The following OPLAH variants were observed in gnomAD, a reference collection of about 807,000 sequenced individuals.
OPLAH encodes 5-oxoprolinase.
OPLAH carries 103 observed loss-of-function variants against 122.8 expected under a neutral mutation model. That is an observed-to-expected ratio of 0.84 (90% confidence interval 0.71 to 0.99). The LOEUF is 0.99. Ranked by LOEUF, OPLAH falls within the 50% of genes least tolerant of loss-of-function variation. OPLAH has a pLI of 0.00. For synonymous variants in OPLAH, 875 were observed against 796.0 expected (o/e 1.10, Z -1.67); for missense variants, 1,902 against 1,836.5 (o/e 1.04, Z -0.65).
chr8:144,058,057 C>T lies in OPLAH; in HGVS notation c.1041G>A (p.Leu347=). ...TAGVTLQAPQ[L]DINTVAAGGG... is the part of the protein sequence containing the mutation. ...CTCCCGCTGCCACGGTGTTGATGTC[C>T]AGCTGCGGGGCCTGGAGGGTGACGC... Residue 347 remains leucine, a synonymous_variant, in exon 8 of 27, where the codon CTG becomes CTA. Transcript: ENST00000618853. The T allele has an allele frequency of 6.2e-7, 1 of 1,612,530 alleles. No individual in the cohort carries two copies. The highest frequency in any genetic ancestry group is 8.5e-7 in the Non-Finnish European group (1 of 1,179,824).
chr8:144,060,342 C>A (rs1223016945), intron 1 of OPLAH, among the ~76,000 whole-genome samples: 1 of 152,238 alleles, frequency 6.6e-6, no homozygotes, highest in Non-Finnish European at 1.5e-5. Flanking sequence ...GCGGAGCAGG[C>A]ACGGGAGGTG....
Position 144,058,302 on chromosome 8 carries a change from C to T in OPLAH, c.886G>A (p.Gly296Ser), listed in dbSNP as rs1468022398. Residue 296 changes from glycine (G) to serine (S), a missense_variant, in exon 7 of 27, where the codon GGC becomes AGC. Gly to Ser is a moderately conservative substitution (Grantham distance 56). Transcript: ENST00000618853. The part of the protein sequence containing the change: ...VLSGPAGGVV[G>S]YSATTYQQEG... ...TGCTGGTAGGTGGTGGCTGAGTAGC[C>T]CACCACGCCGCCGGCCGGGCCCGAG... 6.2e-7 allele frequency: 1 copy of T among 1,608,206 alleles called. No homozygotes were observed. The highest frequency in any genetic ancestry group is 8.5e-7 in the Non-Finnish European group (1 of 1,178,716).
Position 144,059,925 on chromosome 8 carries a change from GAGC to G in OPLAH, c.105_107del (p.Leu36del). The G allele has an allele frequency of 1.2e-6, 2 of 1,612,826 alleles. No individual in the cohort carries two copies. The highest frequency in any genetic ancestry group is 1.7e-6 in the Non-Finnish European group (2 of 1,179,852). On this transcript the variant is annotated inframe_deletion, in exon 2 of 27. Coordinates refer to ENST00000618853, the MANE Select transcript of OPLAH (RefSeq NM_017570.5). ...CCGCATAGTTGGCAGGGTCCTCTGA[GAGC>G]AGTTTTAAGACCCGCACGTGCCCCC...
rs1554758986 is a variant in OPLAH at position 144,056,203 on chromosome 8, T to C, written c.2040A>G (p.Ala680=). The C allele has an allele frequency of 6.2e-7, 1 of 1,612,246 alleles. No homozygotes were observed. The highest frequency in any genetic ancestry group is 8.5e-7 in the Non-Finnish European group (1 of 1,179,430). The change falls in exon 15 of 27, where the codon GCA becomes GCG. Residue 680 remains alanine (A), a synonymous_variant. Transcript: ENST00000618853. ...GGAGCTTGTGCCCATAGCCCAGCTC[T>C]GCCAGCAGGTACACAGGGGTCTCCT... ...GYQETPVYLL[A]ELGYGHKLHG...
intron 1 of OPLAH, among the ~76,000 whole-genome samples, 175 bp from the exon 2 acceptor site, chr8:144,060,260 G>C (rs538348231): frequency 1.3e-5 from 2 of 152,260 alleles, no homozygotes; most frequent in Non-Finnish European, 2.9e-5. Context: ...CCTGGCCGGC[G>C]GTCAGCGGCC....
In OPLAH at chr8:144,055,923, G is replaced by A; in HGVS notation, c.2113C>T (p.Pro705Ser). The A allele has an allele frequency of 6.3e-7, 1 of 1,585,654 alleles. No homozygotes were observed. The highest frequency in any genetic ancestry group is 8.6e-7 in the Non-Finnish European group (1 of 1,165,858). ...IDSNSTILVE[P>S]GCQAEVTKTG... ...TTGGTCACCTCTGCCTGGCAACCTG[G>A]CTCCACCAGGATGGTGCTGGGGAGC... is the stretch of plus-strand genomic sequence containing the variant. The change falls in exon 16 of 27, where the codon CCA becomes TCA. Residue 705 changes from proline to serine, a missense_variant. Coordinates refer to ENST00000618853, the MANE Select transcript of OPLAH (RefSeq NM_017570.5). The surrounding 1 kb of genome is among the most constrained non-coding windows in gnomAD (Gnocchi z 6.5).
chr8:144,054,970 TGGG>T, intron 17 of OPLAH, 56 bp downstream of exon 17: 1 of 306,180 alleles, frequency 3.3e-6, no homozygotes, highest in Non-Finnish European at 4.7e-6. Context: ...CAGAGCGGGG[TGGG>T]GGGGGGGTGG....
In OPLAH at chr8:144,056,201, T is replaced by A; in HGVS notation, c.2042A>T (p.Glu681Val). The part of the protein sequence containing the change: ...YQETPVYLLA[E>V]LGYGHKLHGP... The stretch of plus-strand genomic sequence containing the variant: ...ATGGAGCTTGTGCCCATAGCCCAGC[T>A]CTGCCAGCAGGTACACAGGGGTCTC... Residue 681 changes from glutamate to valine, a missense_variant, in exon 15 of 27, where the codon GAG becomes GTG. Transcript: ENST00000618853. 1.2e-6 allele frequency: 2 copies of A among 1,612,216 alleles called. No homozygotes were observed. Among genetic ancestry groups the A allele is most frequent in the African/African-American group, 2.7e-5 (2 of 75,040 alleles).
At chr8:144,052,928 T>C (rs1554758067) in intron 21 of OPLAH, 28 bp from the exon 22 acceptor site, 1 of 1,565,350 alleles carries the variant, frequency 6.4e-7, no homozygotes, top group South Asian at 1.2e-5. Context: ...AGGGAGAGGC[T>C]GTCAGCGGCC....
At chr8:144,061,649 G>A (rs1158577455), upstream of OPLAH, among the ~76,000 whole-genome samples, 1 of 152,210 alleles carries the variant, frequency 6.6e-6, no homozygotes, top group Non-Finnish European at 1.5e-5. Context: ...GCAACGGCAC[G>A]AAGTTACCCT....
chr8:144,055,272 G>A lies in OPLAH; in HGVS notation c.2249-83C>T, dbSNP rs1276414682. 7.2e-6 allele frequency: 10 copies of A among 1,390,524 alleles called. No individual in the cohort carries two copies. The highest frequency in any genetic ancestry group is 9.5e-6 in the Non-Finnish European group (10 of 1,057,012). The allele number at this position is 1,390,524 out of a possible 1,614,324, so 86.1% of individuals were successfully genotyped here. On this transcript the variant is annotated intron_variant, in intron 16 of 26. Transcript: ENST00000618853. This position sits in a 1 kb window ranked among gnomAD's most constrained non-coding sequence, Gnocchi z 6.5. ...GAAAGGGAGGAACAGGACCCACCAG[G>A]ACTCAAACCCAGGACCCAGGAAAAA...
Position 144,057,106 on chromosome 8 carries a change from C to T in OPLAH, c.1548G>A (p.Leu516=). 1 of 1,599,564 alleles carries T rather than the reference C, an allele frequency of 6.3e-7. No homozygotes were observed. Among genetic ancestry groups the T allele is most frequent in the Non-Finnish European group, 8.5e-7 (1 of 1,174,096 alleles). Residue 516 remains leucine, a synonymous_variant, in exon 12 of 27, where the codon CTG becomes CTA. Transcript: ENST00000618853. ...DTVHIHRHSG[L]LSALGLALAD... ...CCAGGGCCAGCCCCAGGGCCGACAG[C>T]AGCCCACTGTGCCTGCAGGGATGGG... is the stretch of plus-strand genomic sequence containing the variant.
chr8:144,059,974 T>C lies in OPLAH; in HGVS notation c.59A>G (p.Asp20Gly), dbSNP rs1403269141. ...FAIDRGGTFT[D>G]VFAQCPGGHV... Reference sequence around the variant, plus strand: ...CCCCCCTGGGCACTGGGCAAAGACGTCTGTGAAGGTACCCCCACGGTCGAT... The same window carrying C: ...CCCCCCTGGGCACTGGGCAAAGACGCCTGTGAAGGTACCCCCACGGTCGAT... Residue 20 changes from aspartate to glycine, a missense_variant, in exon 2 of 27, where the codon GAC becomes GGC. Asp to Gly is a moderately conservative substitution (Grantham distance 94). Coordinates refer to ENST00000618853, the MANE Select transcript of OPLAH (RefSeq NM_017570.5). The C allele has an allele frequency of 6.2e-7, 1 of 1,612,612 alleles. No individual in the cohort carries two copies. The highest frequency in any genetic ancestry group is 8.5e-7 in the Non-Finnish European group (1 of 1,179,810).
rs181530163 is a variant in OPLAH, at chr8:144,058,059, G to A, written c.1039C>T (p.Leu347=). Reference sequence around the variant, plus strand: ...CCCGCTGCCACGGTGTTGATGTCCAGCTGCGGGGCCTGGAGGGTGACGCCA... The same window carrying A: ...CCCGCTGCCACGGTGTTGATGTCCAACTGCGGGGCCTGGAGGGTGACGCCA... The part of the protein sequence containing the change: ...TAGVTLQAPQ[L]DINTVAAGGG... The change falls in exon 8 of 27, where the codon CTG becomes TTG. Residue 347 remains leucine (L), a synonymous_variant. Coordinates refer to ENST00000618853, the MANE Select transcript of OPLAH (RefSeq NM_017570.5). The A allele has an allele frequency of 2.5e-6, 4 of 1,612,552 alleles. No individual in the cohort carries two copies. The highest frequency in any genetic ancestry group is 3.4e-6 in the Non-Finnish European group (4 of 1,179,826).
chr8:144,063,134 G>GC (rs1350042041), upstream of OPLAH, among the ~76,000 whole-genome samples: 1 of 152,058 alleles, frequency 6.6e-6, no homozygotes, highest in Non-Finnish European at 1.5e-5. This position sits in a 1 kb window ranked among gnomAD's most constrained non-coding sequence, Gnocchi z 4.2. Flanking sequence ...GGATGGCCCG[G>GC]CCCCTACTCT....
rs371792281 is a variant in OPLAH at position 144,058,363 on chromosome 8, C to T, written c.825G>A (p.Ala275=). 11 of 1,593,970 alleles carry T rather than the reference C, an allele frequency of 6.9e-6. No individual in the cohort carries two copies. The highest frequency in any genetic ancestry group is 3.5e-5 in the Admixed American group (2 of 57,346). The change falls in exon 7 of 27, where the codon GCG becomes GCA. Residue 275 remains alanine (A), a synonymous_variant. Coordinates refer to ENST00000618853, the MANE Select transcript of OPLAH (RefSeq NM_017570.5). Reference sequence around the variant, plus strand: ...TGGAGCCGCTGAAGGTGTCCATGGGCGCCAGGCCGCCATCGGAGCGCATGA... The same window carrying T: ...TGGAGCCGCTGAAGGTGTCCATGGGTGCCAGGCCGCCATCGGAGCGCATGA... ...VLFMRSDGGL[A]PMDTFSGSSA...
In OPLAH at chr8:144,054,625, C is replaced by T; in HGVS notation, c.2622G>A (p.Leu874=). ...PGSMPPHSTM[L]QQEGAVFLSF... is the part of the protein sequence containing the mutation. ...ACAGAAAGACGGCACCCTCCTGTTG[C>T]AGCATGGTGGAGTGGGGGGGCATGG... The change falls in exon 19 of 27, where the codon CTG becomes CTA. Residue 874 remains leucine (L), a synonymous_variant. Transcript: ENST00000618853. 1 of 1,610,400 alleles carries T rather than the reference C, an allele frequency of 6.2e-7. No individual in the cohort carries two copies. Among genetic ancestry groups the T allele is most frequent in the South Asian group, 1.1e-5 (1 of 91,012 alleles).
upstream of OPLAH, among the ~76,000 whole-genome samples, chr8:144,060,883 C>G (rs1835651852): frequency 6.6e-6 from 1 of 152,254 alleles, no homozygotes; most frequent in Non-Finnish European, 1.5e-5. Flanking sequence ...CTCTGCGGCC[C>G]TCGGGTCTCC....
Position 144,058,564 on chromosome 8 carries a change from C to A in OPLAH, c.715G>T (p.Ala239Ser), listed in dbSNP as rs369434485. 2 of 1,601,104 alleles carry A rather than the reference C, an allele frequency of 1.2e-6. No individual in the cohort carries two copies. The highest frequency in any genetic ancestry group is 1.3e-5 in the African/African-American group (1 of 74,904). Reference sequence around the variant, plus strand: ...CGCTGGATGGCGGGCGTGAGGTAGGCGTCGGCACAGGCCGTGTGCCCCCGA... The same window carrying A: ...CGCTGGATGGCGGGCGTGAGGTAGGAGTCGGCACAGGCCGTGTGCCCCCGA... ...VPRGHTACAD[A>S]YLTPAIQRYV... Residue 239 changes from alanine (A) to serine (S), a missense_variant, in exon 6 of 27, where the codon GCC becomes TCC. By Grantham distance (99) the Ala-to-Ser change is moderately conservative. Transcript: ENST00000618853.
Sources: allele counts gnomAD v4.1 joint callset (sites outside exome capture counted in the v4.1 genomes callset), GRCh38; gene constraint gnomAD v4.1.1; non-coding constraint Gnocchi (gnomAD v3.1); transcripts MANE v1.5; gene names NCBI Gene and HGNC (gene_info 2026-07-23, HGNC 2026-07-21).